RIOK1: variants seen among roughly 807,000 people sequenced by gnomAD.
RIOK1 encodes the protein serine/threonine-protein kinase RIO1.
Under a neutral mutation model 73.5 loss-of-function variants are expected in RIOK1, and 66 were observed. The ratio of observed to expected loss-of-function variants is 0.90; its 90% CI spans 0.74 to 1.10. RIOK1 has a LOEUF of 1.10. Ranked by LOEUF, RIOK1 falls within the 50% of genes least tolerant of loss-of-function variation. RIOK1 has a pLI of 0.00. For missense variants in RIOK1, 658 were observed against 699.8 expected (o/e 0.94, Z 0.67); for synonymous variants, 224 against 226.8 (o/e 0.99, Z 0.11).
intron 12 of RIOK1, among the ~76,000 whole-genome samples, chr6:7,405,777 GTTTTTTTTTTTTCCTTT>G (rs1423367706): frequency 2.0e-4 from 27 of 131,844 alleles, no homozygotes; most frequent in Non-Finnish European, 4.1e-4. Flanking sequence ...AAAGCCAGGG[GTTTTTTTTTTTTCCTTT>G]TTTTTTTTTT....
chr6:7,416,752 T>A (rs1023693967), intron 16 of RIOK1, among the ~76,000 whole-genome samples: 1 of 144,834 alleles, frequency 6.9e-6, no homozygotes, highest in African/African-American at 2.6e-5. Flanking sequence ...CCCAGGAGCT[T>A]GAGGCTGCAG....
At chr6:7,404,669 C>T in intron 10 of RIOK1, 114 bp downstream of exon 10, 3 of 1,279,956 alleles carry the variant, frequency 2.3e-6, no homozygotes, top group Non-Finnish European at 3.3e-6. Flanking sequence ...TTATTGTTGA[C>T]TTCCAAATGG....
intron 1 of RIOK1, 63 bp downstream of exon 1, chr6:7,390,136 T>A (rs2296358): frequency 7.2e-7 from 1 of 1,396,616 alleles, no homozygotes; most frequent in Non-Finnish European, 9.8e-7. Context: ...CCCCTTGGGG[T>A]GTGGACTCTT....
rs1761896067 is a variant in RIOK1 at position 7,411,944 on chromosome 6, G to GTAA, written c.1389+496_1389+498dup. Among the ~76,000 whole-genome samples, 4 of 152,192 alleles carry GTAA rather than the reference G, an allele frequency of 2.6e-5. No individual in the cohort carries two copies. The South Asian group carries it at 8.3e-4, about 31-fold the overall frequency. The stretch of plus-strand genomic sequence containing the variant: ...TAATAATAGTTGAATACACTTTTGT[G>GTAA]TAATACAAGTATACTAAAGAAGAGT... On this transcript the variant is annotated intron_variant, in intron 14 of 16. Coordinates refer to ENST00000379834, the MANE Select transcript of RIOK1 (RefSeq NM_031480.3).
Position 7,417,601 on chromosome 6 carries a change from G to A in RIOK1, c.*160G>A. On this transcript the variant is annotated 3_prime_UTR_variant, in exon 17 of 17. Transcript: ENST00000379834. The stretch of plus-strand genomic sequence containing the variant: ...ATGTTTTCATGTAACTATGTAAAAA[G>A]CTCTAAGCTCTAGAGTCTAGATCCA... 1 of 475,940 alleles carries A rather than the reference G, an allele frequency of 2.1e-6. No homozygotes were observed. Among genetic ancestry groups the A allele is most frequent in the Non-Finnish European group, 3.8e-6 (1 of 262,102 alleles). The allele number at this position is 475,940 out of a possible 1,614,324, so 29.5% of individuals were successfully genotyped here. A position where few individuals can be genotyped will look rare whatever the true frequency, so the allele number is the denominator to read the frequency against.
chr6:7,408,877 A>G (rs1167187103), intron 12 of RIOK1, among the ~76,000 whole-genome samples: 4 of 148,414 alleles, frequency 2.7e-5, no homozygotes, highest in Non-Finnish European at 5.9e-5. Context: ...ATGCGCCCCC[A>G]TGCCCAGCTA....
chr6:7,404,348 C>CTATACT, intron 9 of RIOK1, 70 bp from the exon 10 acceptor site: 1 of 1,534,548 alleles, frequency 6.5e-7, no homozygotes, highest in South Asian at 1.2e-5. Flanking sequence ...AAGAGAAGGG[C>CTATACT]ATGTAACAGT....
At chr6:7,392,312 C>G (rs1250815374) in intron 1 of RIOK1, among the ~76,000 whole-genome samples, 1 of 151,346 alleles carries the variant, frequency 6.6e-6, no homozygotes. Flanking sequence ...TCCCAGTTTG[C>G]CAGTCCCCAC....
chr6:7,414,395 G>A lies in RIOK1; in HGVS notation c.1596+5G>A, dbSNP rs1173246435. 4.4e-6 allele frequency: 7 copies of A among 1,599,530 alleles called. No homozygotes were observed. Among genetic ancestry groups the A allele is most frequent in the Non-Finnish European group, 6.0e-6 (7 of 1,175,386 alleles). On this transcript the variant is annotated splice_donor_5th_base_variant and intron_variant, in intron 16 of 16. Coordinates refer to ENST00000379834, the MANE Select transcript of RIOK1 (RefSeq NM_031480.3). ...GACCCTGACATTGATAAAAAAGTAA[G>A]CAATGAAATACCTTCCCCTTTTCTT...
At chr6:7,402,320 A>G (rs1761631704) in intron 6 of RIOK1, among the ~76,000 whole-genome samples, 1 of 152,240 alleles carries the variant, frequency 6.6e-6, no homozygotes, top group African/African-American at 2.4e-5. Flanking sequence ...AAAGTACAGT[A>G]AAAATACCTG....
intron 1 of RIOK1, among the ~76,000 whole-genome samples, chr6:7,391,132 TTA>T (rs763366696): frequency 6.6e-6 from 1 of 152,144 alleles, no homozygotes; most frequent in Non-Finnish European, 1.5e-5. Context: ...AGCTTGTACT[TTA>T]TGTTTACAGT....
intron 2 of RIOK1, among the ~76,000 whole-genome samples, chr6:7,394,601 C>T (rs1055241550): frequency 6.6e-6 from 1 of 152,160 alleles, no homozygotes; most frequent in Non-Finnish European, 1.5e-5. Flanking sequence ...TTGAAGTTTG[C>T]GCATAGCACC....
chr6:7,402,965 C>T, intron 8 of RIOK1, 68 bp downstream of exon 8: 1 of 1,423,376 alleles, frequency 7.0e-7, no homozygotes, highest in South Asian at 1.3e-5. Context: ...TTCCTCCCAG[C>T]AGATCCCAGT....
chr6:7,402,708 G>C lies in RIOK1; in HGVS notation c.679G>C (p.Glu227Gln), dbSNP rs1011633279. ...FKDRDKYVSG[E>Q]FRFRHGYCKG... ...AGATCGGGATAAATATGTAAGTGGAGAATTCAGGTAAGTTCAGATTTTTCC... is the reference window on the plus strand; with the variant it reads ...AGATCGGGATAAATATGTAAGTGGACAATTCAGGTAAGTTCAGATTTTTCC... The change falls in exon 7 of 17, where the codon GAA becomes CAA. Residue 227 changes from glutamate (E) to glutamine (Q), a missense_variant. By Grantham distance (29) the Glu-to-Gln change is conservative. Transcript: ENST00000379834. The C allele has an allele frequency of 6.2e-7, 1 of 1,609,454 alleles. No homozygotes were observed. The highest frequency in any genetic ancestry group is 8.5e-7 in the Non-Finnish European group (1 of 1,177,558).
At chr6:7,417,268 A>T in intron 16 of RIOK1, 63 bp from the exon 17 acceptor site, 1 of 1,169,392 alleles carries the variant, frequency 8.6e-7, no homozygotes, top group Non-Finnish European at 1.2e-6. Context: ...AAAACAAAAA[A>T]CAAAAACAAA....
chr6:7,413,373 G>A (rs2113530357), intron 15 of RIOK1, among the ~76,000 whole-genome samples: 2 of 152,296 alleles, frequency 1.3e-5, no homozygotes, highest in East Asian at 3.9e-4. Context: ...TGCTGTGCTG[G>A]ATTCCTGTGA....
At chr6:7,399,405 C>T (rs1383456831) in intron 5 of RIOK1, among the ~76,000 whole-genome samples, 1 of 152,094 alleles carries the variant, frequency 6.6e-6, no homozygotes, top group Non-Finnish European at 1.5e-5. Context: ...TCTTCATTGT[C>T]CCCTAGTTTA....
In RIOK1 at chr6:7,416,504, C is replaced by T. The variant is rs180939386; in HGVS notation, c.1597-827C>T. On this transcript the variant is annotated intron_variant, in intron 16 of 16. Transcript: ENST00000379834. ...TCTACTAAAAATACAAAAAATTAGC[C>T]GGGCGTGGTGGCAGGCGCCTGTAGT... 5.3e-3 allele frequency among the ~76,000 whole-genome samples: 799 copies of T among 152,090 alleles called. 4 individuals are homozygous for T. Among genetic ancestry groups the T allele is most frequent in the Admixed American group, 9.9e-3 (151 of 15,258 alleles).
intron 4 of RIOK1, among the ~76,000 whole-genome samples, chr6:7,397,789 C>T (rs796291118): frequency 3.3e-5 from 5 of 152,288 alleles, no homozygotes; most frequent in African/African-American, 9.6e-5. Context: ...TGGAGTCACT[C>T]AGTGTATAAG....
Sources: gnomAD v4.1 joint callset for allele counts (sites outside exome capture counted in the v4.1 genomes callset) on GRCh38, gnomAD v4.1.1 for gene constraint, MANE v1.5 for transcripts, NCBI Gene and HGNC (gene_info 2026-07-23, HGNC 2026-07-21) for gene names.